Variants in LDLRAD3 observed in about 807,000 individuals in gnomAD.
LDLRAD3 encodes low-density lipoprotein receptor class A domain-containing protein 3.
LDLRAD3 carries 20 observed loss-of-function variants against 29.4 expected under a neutral mutation model. The observed-to-expected ratio is 0.68, with a 90% CI of 0.48 to 0.99. The LOEUF (loss-of-function observed/expected upper bound fraction) is 0.99. Ranked by LOEUF, LDLRAD3 falls within the 50% of genes least tolerant of loss-of-function variation. The pLI, the probability that LDLRAD3 is intolerant of heterozygous loss-of-function variation, is 0.00. For missense variants in LDLRAD3, 420 were observed against 454.3 expected, an observed-to-expected ratio of 0.92 and a Z score of 0.69; for synonymous variants, 157 against 192.7, an observed-to-expected ratio of 0.81 and a Z score of 1.53.
chr11:36,035,537 A>G (rs111862626), intron 1 of LDLRAD3, among the ~76,000 whole-genome samples: 3,387 of 152,212 alleles, frequency 0.022, 122 homozygotes, highest in African/African-American at 0.075. Context: ...TACAAATCCC[A>G]AGTTCAAGAT....
At chr11:36,198,600 G>A (rs543179331) in intron 4 of LDLRAD3, among the ~76,000 whole-genome samples, 49 of 152,296 alleles carry the variant, frequency 3.2e-4, no homozygotes, top group Admixed American at 3.1e-3. Flanking sequence ...TCTGCATGAA[G>A]CAGGGTGGTT....
chr11:36,056,942 G>C (rs1376504209), intron 2 of LDLRAD3, among the ~76,000 whole-genome samples: 1 of 152,114 alleles, frequency 6.6e-6, no homozygotes, highest in East Asian at 1.9e-4. Context: ...TGCAGAGTCT[G>C]GCTCAGTAGG....
chr11:36,011,909 C>T (rs1177499313), intron 1 of LDLRAD3, among the ~76,000 whole-genome samples: 4 of 152,266 alleles, frequency 2.6e-5, no homozygotes, highest in East Asian at 1.9e-4. Flanking sequence ...GTCTGAGTGG[C>T]GGCCTGTCAC....
chr11:35,947,981 A>G (rs1851080032), intron 1 of LDLRAD3, among the ~76,000 whole-genome samples: 1 of 152,176 alleles, frequency 6.6e-6, no homozygotes, highest in Non-Finnish European at 1.5e-5. Context: ...AATACATAAA[A>G]TACATCTCAA....
In LDLRAD3 at chr11:35,944,973, C is replaced by T. The variant is rs1851038428; in HGVS notation, c.46+829C>T. 6.6e-6 allele frequency among the ~76,000 whole-genome samples: 1 copy of T among 152,338 alleles called. No homozygotes were observed. On this transcript the variant is annotated intron_variant, in intron 1 of 5. Transcript: ENST00000315571. The surrounding 1 kb of genome is among the most constrained non-coding windows in gnomAD (Gnocchi z 4.9). ...ACTTTTCTGCTGATGTGGGCATGATCCGAATTCCAGCCTGGGAGCCCTTCC... is the reference window on the plus strand; with the variant it reads ...ACTTTTCTGCTGATGTGGGCATGATTCGAATTCCAGCCTGGGAGCCCTTCC...
chr11:36,020,429 T>A (rs1852081637), intron 1 of LDLRAD3, among the ~76,000 whole-genome samples: 2 of 152,210 alleles, frequency 1.3e-5, no homozygotes, highest in Non-Finnish European at 2.9e-5. Context: ...GGAATAATCC[T>A]AATTTGAAGG....
chr11:36,170,804 C>CTTTTTTTTTTTTTTT (rs763207036), intron 4 of LDLRAD3, among the ~76,000 whole-genome samples: 1 of 138,332 alleles, frequency 7.2e-6, no homozygotes. Flanking sequence ...TGTATATCTT[C>CTTTTTTTTTTTTTTT]TTTTTTTTTT....
intron 4 of LDLRAD3, among the ~76,000 whole-genome samples, chr11:36,174,362 G>A (rs1413282383): frequency 6.6e-6 from 1 of 152,130 alleles, no homozygotes; most frequent in Non-Finnish European, 1.5e-5. Flanking sequence ...AAATTGACAA[G>A]TGGGATCTAA....
Position 35,944,644 on chromosome 11 carries a change from A to G in LDLRAD3, c.46+500A>G, listed in dbSNP as rs921452078. ...GTTTCCCCACCTGCACCGCGGAGGG[A>G]GTAGCAAAGCTGCTTCCTTTCATTC... is the stretch of plus-strand genomic sequence containing the variant. On this transcript the variant is annotated intron_variant, in intron 1 of 5. Coordinates refer to ENST00000315571, the MANE Select transcript of LDLRAD3 (RefSeq NM_174902.4). This position sits in a 1 kb window ranked among gnomAD's most constrained non-coding sequence, Gnocchi z 4.9. Among the ~76,000 whole-genome samples the G allele has an allele frequency of 1.3e-5, 2 of 152,026 alleles. No individual in the cohort carries two copies. The highest frequency in any genetic ancestry group is 4.8e-5 in the African/African-American group (2 of 41,404).
chr11:36,147,912 C>T (rs900120544), intron 4 of LDLRAD3, among the ~76,000 whole-genome samples: 2 of 151,872 alleles, frequency 1.3e-5, no homozygotes, highest in Non-Finnish European at 2.9e-5. Flanking sequence ...ACTGTGTTGC[C>T]CAGGCTGGAG....
intron 4 of LDLRAD3, among the ~76,000 whole-genome samples, chr11:36,104,630 T>C (rs1853499934): frequency 1.3e-5 from 2 of 152,164 alleles, no homozygotes; most frequent in South Asian, 4.2e-4. Context: ...CTGAGCATTA[T>C]TGTATTTTCC....
chr11:36,172,569 A>G (rs1176896487), intron 4 of LDLRAD3, among the ~76,000 whole-genome samples: 2 of 152,138 alleles, frequency 1.3e-5, no homozygotes. Context: ...CTTTTTCTGC[A>G]TCTATTGAGA....
chr11:36,156,856 A>G (rs1055478667), intron 4 of LDLRAD3, among the ~76,000 whole-genome samples: 2 of 152,258 alleles, frequency 1.3e-5, no homozygotes, highest in African/African-American at 2.4e-5. Context: ...GCCAAAAAAA[A>G]AGGAAAATCT....
At chr11:36,173,083 A>G (rs1165456360) in intron 4 of LDLRAD3, among the ~76,000 whole-genome samples, 3 of 151,954 alleles carry the variant, frequency 2.0e-5, no homozygotes, top group African/African-American at 4.8e-5. Context: ...AAATTTATCC[A>G]TCTCCTCTAG....
chr11:36,102,909 T>C (rs1421101492), intron 4 of LDLRAD3, among the ~76,000 whole-genome samples: 1 of 152,182 alleles, frequency 6.6e-6, no homozygotes, highest in African/African-American at 2.4e-5. Flanking sequence ...CCTCCTGGTA[T>C]TCATGCCTTG....
intron 4 of LDLRAD3, among the ~76,000 whole-genome samples, chr11:36,129,660 T>G (rs1012094642): frequency 7.9e-5 from 12 of 152,302 alleles, no homozygotes; most frequent in African/African-American, 2.9e-4. Flanking sequence ...AATTGATCAT[T>G]GCTCTGAGGC....
In LDLRAD3 at chr11:35,950,718, G is replaced by C. The variant is rs11033339; in HGVS notation, c.46+6574G>C. ...CTCCCATTCATTGAAGGTTTACTCTGTCTGGCAGGGTGGCAAGCACTGTAC... is the reference window on the plus strand; with the variant it reads ...CTCCCATTCATTGAAGGTTTACTCTCTCTGGCAGGGTGGCAAGCACTGTAC... On this transcript the variant is annotated intron_variant, in intron 1 of 5. Transcript: ENST00000315571. Among the ~76,000 whole-genome samples, 1,370 of 152,226 alleles carry C rather than the reference G, an allele frequency of 9.0e-3. 19 individuals are homozygous for C. The highest frequency in any genetic ancestry group is 0.031 in the African/African-American group (1,278 of 41,526).
intron 1 of LDLRAD3, among the ~76,000 whole-genome samples, chr11:36,024,817 G>A (rs1441464436): frequency 6.6e-6 from 1 of 152,240 alleles, no homozygotes; most frequent in Non-Finnish European, 1.5e-5. Flanking sequence ...TGAGGGGCGA[G>A]GAGGCAGATG....
At chr11:36,013,939 G>A (rs776845352) in intron 1 of LDLRAD3, among the ~76,000 whole-genome samples, 3 of 152,142 alleles carry the variant, frequency 2.0e-5, no homozygotes, top group Non-Finnish European at 4.4e-5. Context: ...CTAAGGTAAG[G>A]CAGGCTTTGC....
Sources: allele counts gnomAD v4.1 joint callset (sites outside exome capture counted in the v4.1 genomes callset), GRCh38; gene constraint gnomAD v4.1.1; non-coding constraint Gnocchi (gnomAD v3.1); transcripts MANE v1.5; gene names NCBI Gene and HGNC (gene_info 2026-07-23, HGNC 2026-07-21).